AMZ1: variants seen among roughly 807,000 people sequenced by gnomAD.
AMZ1 encodes the protein archaemetzincin-1.
In AMZ1, 39 loss-of-function variants were observed where a neutral mutation model predicts 29.9. The observed-to-expected ratio is 1.30, with a 90% confidence interval of 1.01 to 1.70. The LOEUF (loss-of-function observed/expected upper bound fraction) is 1.70, where lower values mean the gene tolerates loss of function less well. Ranked by LOEUF, AMZ1 falls within the 40% of genes most tolerant of loss-of-function variation. The pLI, the probability that AMZ1 is intolerant of heterozygous loss-of-function variation, is 0.00. For synonymous variants in AMZ1, 458 were observed against 304.0 expected, an observed-to-expected ratio of 1.51 and a Z score of -5.27; for missense variants, 1,041 against 680.6, an observed-to-expected ratio of 1.53 and a Z score of -5.89.
At chr7:2,760,224 C>G (rs1044216664), upstream of AMZ1, 4 of 152,358 alleles carry the variant, frequency 2.6e-5, no homozygotes, top group African/African-American at 9.6e-5. Flanking sequence ...CGTGCAGAGT[C>G]CAGGCAGGAG....
At chr7:2,726,194 C>G (rs1789609236) in intron 4 of AMZ1, among the ~76,000 whole-genome samples, 1 of 152,204 alleles carries the variant, frequency 6.6e-6, no homozygotes, top group Non-Finnish European at 1.5e-5. Context: ...GAAAGATTAG[C>G]AAGGATTTCA....
chr7:2,693,049 G>A (rs1374352045), intron 1 of AMZ1, among the ~76,000 whole-genome samples: 1 of 152,204 alleles, frequency 6.6e-6, no homozygotes, highest in Non-Finnish European at 1.5e-5. Flanking sequence ...TCAGGAATGG[G>A]AGTGTGGGCC....
In AMZ1 at chr7:2,731,597, C is replaced by T. The variant is rs1242852315; in HGVS notation, n.550+21781C>T. The T allele has an allele frequency of 3.7e-6, 6 of 1,613,654 alleles. No individual in the cohort carries two copies. The highest frequency in any genetic ancestry group is 1.7e-4 in the Middle Eastern group (1 of 6,056). On this transcript the variant is annotated intron_variant and non_coding_transcript_variant, in intron 4 of 4. Transcript: ENST00000489665. The surrounding 1 kb of genome is among the most constrained non-coding windows in gnomAD (Gnocchi z 6.0). ...ACCATGAACAGGATGGACGTGATCCCGTCGAAGCACTGGAACCACTTCTGG... is the reference window on the plus strand; with the variant it reads ...ACCATGAACAGGATGGACGTGATCCTGTCGAAGCACTGGAACCACTTCTGG...
At chr7:2,733,795 C>T (rs1790021894) in intron 4 of AMZ1, among the ~76,000 whole-genome samples, 1 of 152,210 alleles carries the variant, frequency 6.6e-6, no homozygotes, top group Non-Finnish European at 1.5e-5. Flanking sequence ...TGATGGGGGA[C>T]TCTCTTTCCA....
chr7:2,724,824 C>A (rs778963009), intron 4 of AMZ1, among the ~76,000 whole-genome samples: 2 of 152,212 alleles, frequency 1.3e-5, no homozygotes, highest in Non-Finnish European at 2.9e-5. Flanking sequence ...GGCTGCCGGG[C>A]GCGTGAGAGT....
upstream of AMZ1, among the ~76,000 whole-genome samples, chr7:2,687,094 T>C (rs1049041820): frequency 6.6e-6 from 1 of 151,832 alleles, no homozygotes; most frequent in Non-Finnish European, 1.5e-5. Context: ...TTTGAGAGGC[T>C]GAGGCGGGTG....
upstream of AMZ1, among the ~76,000 whole-genome samples, chr7:2,760,049 T>C (rs1040972310): frequency 3.9e-5 from 6 of 152,186 alleles, no homozygotes; most frequent in Admixed American, 2.6e-4. Flanking sequence ...ATGAAAACAC[T>C]AGGATGTCAA....
At chr7:2,703,146 C>G (rs903139939) in intron 3 of AMZ1, among the ~76,000 whole-genome samples, 1 of 152,086 alleles carries the variant, frequency 6.6e-6, no homozygotes, top group Non-Finnish European at 1.5e-5. Context: ...GCGAGCCCTT[C>G]TTTTTTTGTT....
At chr7:2,745,638 CATA>C (rs1295897450) in intron 4 of AMZ1, among the ~76,000 whole-genome samples, 1 of 152,166 alleles carries the variant, frequency 6.6e-6, no homozygotes, top group Non-Finnish European at 1.5e-5. Flanking sequence ...CAGCTGACAT[CATA>C]ATGACAGGAT....
intron 4 of AMZ1, among the ~76,000 whole-genome samples, chr7:2,745,332 T>C (rs1454811654): frequency 1.3e-5 from 2 of 152,328 alleles, no homozygotes; most frequent in South Asian, 2.1e-4. Flanking sequence ...TGGCAGAAAC[T>C]CTGCAAGCCA....
At chr7:2,710,102 G>A (rs1788671987) in intron 6 of AMZ1, among the ~76,000 whole-genome samples, 1 of 152,220 alleles carries the variant, frequency 6.6e-6, no homozygotes, top group Admixed American at 6.5e-5. Flanking sequence ...GGAAGAGCTG[G>A]CATTGGAGCC....
chr7:2,691,891 T>G (rs1283248699), intron 1 of AMZ1, among the ~76,000 whole-genome samples: 1 of 152,040 alleles, frequency 6.6e-6, no homozygotes, highest in East Asian at 1.9e-4. Context: ...CCTGGGCATC[T>G]GGAAGGCCCT....
rs756818207 is a variant in AMZ1 at position 2,727,865 on chromosome 7, G to A, written n.550+18049G>A. Among the ~76,000 whole-genome samples the A allele has an allele frequency of 1.1e-4, 17 of 151,990 alleles. 1 individual carries two copies. The highest frequency in any genetic ancestry group is 5.9e-5 in the Non-Finnish European group (4 of 68,016). On this transcript the variant is annotated intron_variant and non_coding_transcript_variant, in intron 4 of 4. Transcript: ENST00000489665. Reference sequence around the variant, plus strand: ...GAGGTCAGGAGATAGAGACCACCCTGGCCAACATGGTGAAACCCTGTCTCT... The same window carrying A: ...GAGGTCAGGAGATAGAGACCACCCTAGCCAACATGGTGAAACCCTGTCTCT...
intron 3 of AMZ1, among the ~76,000 whole-genome samples, chr7:2,706,976 C>G (rs996622571): frequency 1.3e-5 from 2 of 152,146 alleles, no homozygotes; most frequent in African/African-American, 2.4e-5. Context: ...GGGATGTTAT[C>G]TCAAAAACAA....
chr7:2,725,296 C>T (rs929335026), intron 4 of AMZ1, among the ~76,000 whole-genome samples: 17 of 152,350 alleles, frequency 1.1e-4, no homozygotes, highest in Admixed American at 9.8e-4. Context: ...GCCACGCCAG[C>T]ATCTCCTAGA....
At chr7:2,698,649 C>G (rs1421898211) in intron 1 of AMZ1, among the ~76,000 whole-genome samples, 1 of 152,066 alleles carries the variant, frequency 6.6e-6, no homozygotes, top group African/African-American at 2.4e-5. Flanking sequence ...CCAGCCTGGG[C>G]AACATAGTGA....
At position 2,709,811 on chromosome 7, in the gene AMZ1, TACCAGG is replaced by T; in HGVS notation, c.944_948+1del. On this transcript the variant is annotated splice_donor_variant and coding_sequence_variant, in exon 6 of 7. Coordinates refer to ENST00000683327, the MANE Select transcript of AMZ1 (RefSeq NM_001384743.1). LOFTEE classifies it high-confidence loss of function. Reference sequence around the variant, plus strand: ...CCTGGGTTTCAGGCTCATCGAGAGGTACCAGGTGAGTGGCTGAGTTGCGCTGCCCGG... The same window carrying T: ...CCTGGGTTTCAGGCTCATCGAGAGGTTGAGTGGCTGAGTTGCGCTGCCCGG... The T allele has an allele frequency of 6.2e-7, 1 of 1,611,700 alleles. No individual in the cohort carries two copies. Among genetic ancestry groups the T allele is most frequent in the South Asian group, 1.1e-5 (1 of 90,968 alleles).
intron 1 of AMZ1, among the ~76,000 whole-genome samples, chr7:2,694,874 T>A (rs202174592): frequency 6.6e-6 from 1 of 152,118 alleles, no homozygotes; most frequent in African/African-American, 2.4e-5. Flanking sequence ...GGTTTCACCA[T>A]GTTGGCCAGG....
At chr7:2,725,674 T>C (rs1789588194) in intron 4 of AMZ1, among the ~76,000 whole-genome samples, 2 of 152,176 alleles carry the variant, frequency 1.3e-5, no homozygotes, top group South Asian at 4.1e-4. Context: ...CAGAGCTCAG[T>C]TACCCCCGAA....
Sources: gnomAD v4.1 joint callset for allele counts (sites outside exome capture counted in the v4.1 genomes callset) on GRCh38, gnomAD v4.1.1 for gene constraint, Gnocchi (gnomAD v3.1) non-coding constraint, MANE v1.5 for transcripts, NCBI Gene and HGNC (gene_info 2026-07-23, HGNC 2026-07-21) for gene names.